The following PRKN variants were observed in gnomAD, a reference collection of about 807,000 sequenced individuals.
The protein encoded by PRKN is parkin RBR E3 ubiquitin protein ligase.
A neutral mutation model predicts 59.5 loss-of-function variants in PRKN; 56 were observed. That is an observed-to-expected ratio of 0.94 (90% CI 0.76 to 1.18). PRKN has a LOEUF of 1.18. PRKN is among the 50% of genes most tolerant of loss of function. PRKN has a pLI of 0.00. For missense variants in PRKN, 657 were observed against 596.4 expected (o/e 1.10, Z -1.06); for synonymous variants, 250 against 222.1 (o/e 1.13, Z -1.12).
chr6:162,336,630 C>T (rs9295186), intron 2 of PRKN, among the ~76,000 whole-genome samples: 19,909 of 152,208 alleles, frequency 0.13, 2,584 homozygotes, highest in African/African-American at 0.34. Context: ...GTGAGCGGGA[C>T]GCAGGTGCTG....
At chr6:162,100,018 G>A (rs979543724) in intron 4 of PRKN, among the ~76,000 whole-genome samples, 3 of 152,156 alleles carry the variant, frequency 2.0e-5, no homozygotes, top group African/African-American at 7.2e-5. Context: ...ACGTGAAACC[G>A]TGCAATATTT....
intron 6 of PRKN, among the ~76,000 whole-genome samples, chr6:161,943,280 A>T (rs1270963978): frequency 6.6e-6 from 1 of 152,350 alleles, no homozygotes; most frequent in African/African-American, 2.4e-5. Flanking sequence ...AGACAAAAAA[A>T]ATTAACAAAC....
intron 6 of PRKN, among the ~76,000 whole-genome samples, chr6:161,865,138 G>A (rs1430880951): frequency 6.6e-6 from 1 of 152,172 alleles, no homozygotes; most frequent in East Asian, 1.9e-4. Flanking sequence ...GAGCGCTTGG[G>A]TGACCAGGTA....
intron 7 of PRKN, among the ~76,000 whole-genome samples, chr6:161,740,261 G>A (rs1172343607): frequency 1.3e-5 from 2 of 152,138 alleles, no homozygotes; most frequent in Non-Finnish European, 2.9e-5. Flanking sequence ...ATGGATCCTC[G>A]AATGGGAGCT....
chr6:162,214,187 G>A (rs1777535132), intron 3 of PRKN, among the ~76,000 whole-genome samples: 1 of 152,198 alleles, frequency 6.6e-6, no homozygotes, highest in Non-Finnish European at 1.5e-5. Context: ...GGCACCTGAA[G>A]GAAGGGAAGG....
At chr6:162,164,492 G>A (rs1183003384) in intron 4 of PRKN, among the ~76,000 whole-genome samples, 2 of 148,916 alleles carry the variant, frequency 1.3e-5, no homozygotes, top group African/African-American at 5.0e-5. Context: ...GATTACAGGT[G>A]TGAGCCACCA....
intron 5 of PRKN, among the ~76,000 whole-genome samples, chr6:161,988,283 T>C (rs571657085): frequency 6.6e-6 from 1 of 152,216 alleles, no homozygotes; most frequent in Non-Finnish European, 1.5e-5. Context: ...GATCAGGAAT[T>C]TGAGACCAGC....
In PRKN at chr6:161,428,598, G is replaced by A. The variant is rs976710376; in HGVS notation, c.1084-41721C>T. On this transcript the variant is annotated intron_variant, in intron 9 of 11. Coordinates refer to ENST00000366898, the MANE Select transcript of PRKN (RefSeq NM_004562.3). This position sits in a 1 kb window ranked among gnomAD's most constrained non-coding sequence, Gnocchi z 4.0. ...CTTTGATTGTTTGGCGGTTTGCTGT[G>A]TTCTCTGAGTGTTTTTCCACACATC... Among the ~76,000 whole-genome samples, 4 of 152,148 alleles carry A rather than the reference G, an allele frequency of 2.6e-5. No homozygotes were observed. Among genetic ancestry groups the A allele is most frequent in the Non-Finnish European group, 5.9e-5 (4 of 68,036 alleles).
intron 3 of PRKN, among the ~76,000 whole-genome samples, chr6:162,231,143 T>C (rs1778405050): frequency 6.6e-6 from 1 of 152,118 alleles, no homozygotes; most frequent in Non-Finnish European, 1.5e-5. Context: ...CTCCCTCTCC[T>C]TCTCTCTCTC....
rs1045016131 is a variant in PRKN, at chr6:162,179,297, T to C, written c.534+21834A>G. 2.2e-4 allele frequency among the ~76,000 whole-genome samples: 34 copies of C among 152,182 alleles called. 1 individual carries two copies. Among genetic ancestry groups the C allele is most frequent in the Non-Finnish European group, 7.3e-5 (5 of 68,040 alleles). On this transcript the variant is annotated intron_variant, in intron 4 of 11. Coordinates refer to ENST00000366898, the MANE Select transcript of PRKN (RefSeq NM_004562.3). ...GAATTTCTTAGGAACCTGTGCCAAT[T>C]GTTTTTCATCTTTGATCATCAGCCC...
intron 1 of PRKN, among the ~76,000 whole-genome samples, chr6:162,607,250 C>A (rs1781958579): frequency 6.6e-6 from 1 of 152,016 alleles, no homozygotes; most frequent in East Asian, 1.9e-4. Flanking sequence ...TGGTGAGAGA[C>A]CATCTAGTGA....
Position 162,201,142 on chromosome 6 carries a change from T to A in PRKN, c.523A>T (p.Thr175Ser). 1 of 1,614,156 alleles carries A rather than the reference T, an allele frequency of 6.2e-7. No homozygotes were observed. ...QCSTCRQATLTLTQGPSCWDD... is the reference protein window; with the variant it reads ...QCSTCRQATLSLTQGPSCWDD... ...CTGCATTTCCTTACCTGGGTCAAGG[T>A]GAGCGTTGCCTGCCTGCAGGTGCTG... is the stretch of plus-strand genomic sequence containing the variant. The change falls in exon 4 of 12, where the codon ACC becomes TCC. Residue 175 changes from threonine to serine, a missense_variant. Thr to Ser is a moderately conservative substitution (Grantham distance 58, BLOSUM62 1). Coordinates refer to ENST00000366898, the MANE Select transcript of PRKN (RefSeq NM_004562.3).
intron 2 of PRKN, among the ~76,000 whole-genome samples, chr6:162,306,582 C>T (rs950087168): frequency 6.6e-6 from 1 of 152,096 alleles, no homozygotes; most frequent in Non-Finnish European, 1.5e-5. Flanking sequence ...ATTGTTTTCC[C>T]CTGGCTCTTT....
At chr6:161,351,157 A>C (rs2114830969) in intron 11 of PRKN, among the ~76,000 whole-genome samples, 1 of 130,850 alleles carries the variant, frequency 7.6e-6, no homozygotes, top group Non-Finnish European at 1.6e-5. Flanking sequence ...ATATATATAA[A>C]TATATTTATA....
At chr6:161,365,519 T>C (rs764346281) in intron 10 of PRKN, among the ~76,000 whole-genome samples, 12 of 152,222 alleles carry the variant, frequency 7.9e-5, no homozygotes, top group Non-Finnish European at 1.3e-4. Context: ...TGCCTGTCAA[T>C]AGCACATTAC....
intron 9 of PRKN, among the ~76,000 whole-genome samples, chr6:161,479,262 T>C (rs9456677): frequency 0.13 from 20,393 of 152,132 alleles, 1,482 homozygotes; most frequent in African/African-American, 0.19. Flanking sequence ...ATAGAGCAGT[T>C]CATAAAACAC....
chr6:161,915,625 C>G (rs893522048), intron 6 of PRKN, among the ~76,000 whole-genome samples: 1 of 152,206 alleles, frequency 6.6e-6, no homozygotes, highest in Admixed American at 6.5e-5. Context: ...AGAACCAGAA[C>G]ATTTTCATTA....
At chr6:162,534,180 G>A (rs988440289) in intron 1 of PRKN, among the ~76,000 whole-genome samples, 1 of 152,094 alleles carries the variant, frequency 6.6e-6, no homozygotes, top group African/African-American at 2.4e-5. Flanking sequence ...CAGATCTTAT[G>A]TGATTCTTCG....
chr6:162,504,036 G>A (rs376022904), intron 1 of PRKN, among the ~76,000 whole-genome samples: 3 of 152,152 alleles, frequency 2.0e-5, no homozygotes, highest in African/African-American at 7.2e-5. Flanking sequence ...CCTGCTCCAG[G>A]CAGAACTACT....
Sources: gnomAD v4.1 joint callset for allele counts (sites outside exome capture counted in the v4.1 genomes callset) on GRCh38, gnomAD v4.1.1 for gene constraint, Gnocchi (gnomAD v3.1) non-coding constraint, MANE v1.5 for transcripts, NCBI Gene and HGNC (gene_info 2026-07-23, HGNC 2026-07-21) for gene names.